MATK: variants seen among roughly 807,000 people sequenced by gnomAD.
The protein encoded by MATK is megakaryocyte-associated tyrosine-protein kinase.
A neutral mutation model predicts 59.8 loss-of-function variants in MATK; 41 were observed. The observed-to-expected ratio is 0.69, with a 90% CI of 0.53 to 0.89. MATK has a LOEUF of 0.89. MATK is among the 40% of genes least tolerant of loss of function. MATK has a pLI of 0.00. For missense variants in MATK, 593 were observed against 719.6 expected (o/e 0.82, Z 2.01); for synonymous variants, 308 against 306.1 (o/e 1.01, Z -0.06).
chr19:3,778,579 G>A lies in MATK; in HGVS notation c.1214C>T (p.Ser405Leu), dbSNP rs1259087374. ...ALKHGKFTSK[S>L]DVWSFGVLLW... ...CAGCACCCCAAAACTCCAGACATCC[G>A]ACTTGCTGGTGAACTTCTGTGGGGC... The change falls in exon 13 of 14, where the codon TCG becomes TTG. Residue 405 changes from serine (S) to leucine (L), a missense_variant. Ser to Leu is a moderately radical substitution (Grantham distance 145). Transcript: ENST00000310132. The A allele has an allele frequency of 1.2e-6, 2 of 1,612,984 alleles. No homozygotes were observed. The highest frequency in any genetic ancestry group is 2.2e-5 in the East Asian group (1 of 44,810).
At chr19:3,789,038 A>T (rs1308971111), upstream of MATK, among the ~76,000 whole-genome samples, 2 of 152,044 alleles carry the variant, frequency 1.3e-5, no homozygotes, top group Non-Finnish European at 2.9e-5. Context: ...CTATTAGAAG[A>T]TCTTCTGGGA....
At position 3,779,599 on chromosome 19, in the gene MATK, GTTCT is replaced by G; in HGVS notation, c.857_860del (p.Glu286AlafsTer8). 1 of 1,612,040 alleles carries G rather than the reference GTTCT, an allele frequency of 6.2e-7. No homozygotes were observed. Among genetic ancestry groups the G allele is most frequent in the Non-Finnish European group, 8.5e-7 (1 of 1,179,570 alleles). On this transcript the variant is annotated frameshift_variant, in exon 10 of 14. Coordinates refer to ENST00000310132, the MANE Select transcript of MATK (RefSeq NM_139355.3). LOFTEE classifies it high-confidence loss of function. Reference sequence around the variant, plus strand: ...GGATCACGCCCAGGAGACGCACCAGGTTCTCGTGTTGCATCTTCCTGGGGGCGGT... The same window carrying G: ...GGATCACGCCCAGGAGACGCACCAGGCGTGTTGCATCTTCCTGGGGGCGGT...
intron 4 of MATK, 32 bp downstream of exon 4, chr19:3,784,306 C>G: frequency 6.3e-7 from 1 of 1,593,220 alleles, no homozygotes; most frequent in South Asian, 1.1e-5. Flanking sequence ...GCCCCCAGCC[C>G]CAAGCACCCA....
At chr19:3,791,589 C>T (rs960440091) in intron 1 of MATK, among the ~76,000 whole-genome samples, 10 of 151,922 alleles carry the variant, frequency 6.6e-5, no homozygotes, top group South Asian at 6.2e-4. Context: ...GCGATCTGCC[C>T]GCCTCGGCAT....
Position 3,784,118 on chromosome 19 carries a change from A to G in MATK, c.362+6T>C. 1 of 1,604,418 alleles carries G rather than the reference A, an allele frequency of 6.2e-7. No individual in the cohort carries two copies. Among genetic ancestry groups the G allele is most frequent in the Non-Finnish European group, 8.5e-7 (1 of 1,173,820 alleles). ...CCTACCCCAGGCCCCTGTCCTGCCC[A>G]CTCACGGCATGAGGCTGAGCTTGGG... On this transcript the variant is annotated splice_donor_region_variant and intron_variant, in intron 5 of 13. Transcript: ENST00000310132.
Position 3,779,768 on chromosome 19 carries a change from T to C in MATK, c.772A>G (p.Lys258Glu). 1.2e-6 allele frequency: 2 copies of C among 1,612,902 alleles called. No homozygotes were observed. Among genetic ancestry groups the C allele is most frequent in the Non-Finnish European group, 1.7e-6 (2 of 1,179,926 alleles). ...CACTTGATATTCTTCACGGCCACCT[T>C]TTGCCCCAGGTACTCACCCTGCAGG... ...AVLQGEYLGQKVAVKNIKCDV... is the reference protein window; with the variant it reads ...AVLQGEYLGQEVAVKNIKCDV... The change falls in exon 9 of 14, where the codon AAG becomes GAG. Residue 258 changes from lysine to glutamate, a missense_variant. Lys to Glu is a moderately conservative substitution (Grantham distance 56, BLOSUM62 1). Transcript: ENST00000310132.
At chr19:3,795,368 G>A (rs911142706) in intron 1 of MATK, among the ~76,000 whole-genome samples, 1 of 151,324 alleles carries the variant, frequency 6.6e-6, no homozygotes, top group African/African-American at 2.4e-5. Flanking sequence ...TGCCTCCTGG[G>A]TTCAAGCAAT....
chr19:3,781,459 G>A, intron 8 of MATK, 148 bp downstream of exon 8: 1 of 801,214 alleles, frequency 1.2e-6, no homozygotes, highest in Non-Finnish European at 2.1e-6. Flanking sequence ...TTCCAGAGGG[G>A]GAAACTGAGG....
At chr19:3,785,709 T>TGCGCACACGTCCCCGCGCATCCGC (rs2037473131) in intron 1 of MATK, 1 of 155,610 alleles carries the variant, frequency 6.4e-6, no homozygotes, top group Non-Finnish European at 1.4e-5. Flanking sequence ...GAAACAGGTG[T>TGCGCACACGTCCCCGCGCATCCGC]GCGCACACGT....
At chr19:3,799,149 G>A (rs115630299) in intron 1 of MATK, among the ~76,000 whole-genome samples, 84 of 152,120 alleles carry the variant, frequency 5.5e-4, no homozygotes, top group African/African-American at 1.8e-3. Context: ...CCTCCATGGC[G>A]CCTGGGTCCC....
chr19:3,783,743 C>G (rs1453603179), intron 6 of MATK, 71 bp downstream of exon 6: 6 of 1,430,272 alleles, frequency 4.2e-6, no homozygotes, highest in Middle Eastern at 2.2e-4. Context: ...TCTATCTCTA[C>G]GTAGGGGAGT....
chr19:3,799,219 C>T (rs370861782), intron 1 of MATK, among the ~76,000 whole-genome samples: 20 of 152,208 alleles, frequency 1.3e-4, no homozygotes, highest in African/African-American at 4.8e-4. Flanking sequence ...CTGAATTCTC[C>T]TCACAGCTCT....
chr19:3,792,932 C>G (rs1449999728), intron 1 of MATK: 1 of 152,262 alleles, frequency 6.6e-6, no homozygotes, highest in Admixed American at 6.5e-5. Context: ...CCGGCCTAGC[C>G]GTCCTCGGCT....
chr19:3,784,390 C>G lies in MATK; in HGVS notation c.194G>C (p.Gly65Ala). Residue 65 changes from glycine (G) to alanine (A), a missense_variant, in exon 4 of 14, where the codon GGG becomes GCG. Physicochemically the swap from Gly to Ala is moderately conservative, Grantham distance 60. Coordinates refer to ENST00000310132, the MANE Select transcript of MATK (RefSeq NM_139355.3). Reference protein sequence around the residue: ...TKCEHTRPKPGELAFRKGDVV... With the variant: ...TKCEHTRPKPAELAFRKGDVV... Reference sequence around the variant, plus strand: ...GTCGCCCTTGCGGAAGGCCAGCTCCCCTGGCTTGGGGCGGGTGTGCTCGCA... The same window carrying G: ...GTCGCCCTTGCGGAAGGCCAGCTCCGCTGGCTTGGGGCGGGTGTGCTCGCA... 2 of 1,609,380 alleles carry G rather than the reference C, an allele frequency of 1.2e-6. No individual in the cohort carries two copies. Among genetic ancestry groups the G allele is most frequent in the Non-Finnish European group, 1.7e-6 (2 of 1,179,114 alleles).
chr19:3,781,689 CA>C lies in MATK; in HGVS notation c.677-18del. ...ACCAGCCCGCTGTGGAGTGAAGACCCAGTCAGAGGGGTAATGGGCCCCCTAA... is the reference window on the plus strand; with the variant it reads ...ACCAGCCCGCTGTGGAGTGAAGACCCGTCAGAGGGGTAATGGGCCCCCTAA... On this transcript the variant is annotated intron_variant, in intron 7 of 13. Transcript: ENST00000310132. 1 of 1,609,594 alleles carries C rather than the reference CA, an allele frequency of 6.2e-7. No individual in the cohort carries two copies. Among genetic ancestry groups the C allele is most frequent in the South Asian group, 1.1e-5 (1 of 91,010 alleles).
At chr19:3,797,341 G>A (rs1326233366) in intron 1 of MATK, among the ~76,000 whole-genome samples, 1 of 147,570 alleles carries the variant, frequency 6.8e-6, no homozygotes, top group African/African-American at 2.5e-5. Flanking sequence ...CTGTTGCTCA[G>A]GCTGGAGTGC....
At chr19:3,784,762 C>T in intron 3 of MATK, 63 bp downstream of exon 3, 3 of 1,219,672 alleles carry the variant, frequency 2.5e-6, no homozygotes, top group Non-Finnish European at 3.6e-6. Context: ...GAAGGGGTCT[C>T]AGGGTGTGGA....
chr19:3,786,981 A>AGGGTGG (rs1555749034), upstream of MATK, among the ~76,000 whole-genome samples: 2 of 151,710 alleles, frequency 1.3e-5, no homozygotes, highest in African/African-American at 4.8e-5. The surrounding 1 kb of genome is among the most constrained non-coding windows in gnomAD (Gnocchi z 4.1). Context: ...CCCCATATGG[A>AGGGTGG]GGGTGGGGGC....
intron 7 of MATK, 51 bp from the exon 8 acceptor site, chr19:3,781,723 C>T: frequency 1.4e-6 from 2 of 1,436,000 alleles, no homozygotes; most frequent in Non-Finnish European, 9.8e-7. Flanking sequence ...TAAATCCTCC[C>T]ATTGGGGGTT....
Sources: allele counts gnomAD v4.1 joint callset (sites outside exome capture counted in the v4.1 genomes callset), GRCh38; gene constraint gnomAD v4.1.1; non-coding constraint Gnocchi (gnomAD v3.1); transcripts MANE v1.5; gene names NCBI Gene and HGNC (gene_info 2026-07-23, HGNC 2026-07-21).